GLIPR1L2: variants seen among roughly 807,000 people sequenced by gnomAD.
GLIPR1L2 encodes GLIPR1-like protein 2.
GLIPR1L2 carries 21 observed loss-of-function variants against 28.4 expected under a neutral mutation model. The observed-to-expected ratio is 0.74, with a 90% CI of 0.52 to 1.06. GLIPR1L2 has a LOEUF of 1.06. GLIPR1L2 is among the 50% of genes least tolerant of loss of function. The probability of loss-of-function intolerance (pLI) is 0.00; values close to 1 mark genes in which losing one functional copy is unlikely to be tolerated. For missense variants in GLIPR1L2, 476 were observed against 416.9 expected (o/e 1.14, Z -1.23); for synonymous variants, 145 against 139.3 (o/e 1.04, Z -0.29).
intron 4 of GLIPR1L2, chr12:75,423,868 T>C (rs1264068751): frequency 6.6e-6 from 1 of 152,242 alleles, no homozygotes; most frequent in East Asian, 1.9e-4. Flanking sequence ...GTTTGCAGCT[T>C]CATCCATGTC....
intron 1 of GLIPR1L2, among the ~76,000 whole-genome samples, chr12:75,398,328 C>CAAAAAAAAAAAAAAA (rs71078729): frequency 2.3e-5 from 2 of 87,934 alleles, no homozygotes; most frequent in African/African-American, 4.8e-5. Flanking sequence ...GACTCCATCT[C>CAAAAAAAAAAAAAAA]AAAAAAAAAA....
intron 1 of GLIPR1L2, chr12:75,402,872 A>T (rs377553410): frequency 2.4e-6 from 1 of 409,480 alleles, no homozygotes; most frequent in Non-Finnish European, 4.9e-6. Context: ...TTCCATGGGT[A>T]TAAATCCCCA....
rs1364415474 is a variant in GLIPR1L2 at position 75,432,253 on chromosome 12, A to T, written c.*1092A>T. ...ATAATATTTTTCCAATTGCCATTCC[A>T]TACTCAGCTGTCTTATTGTTGCACA... On this transcript the variant is annotated 3_prime_UTR_variant, in exon 6 of 6. Transcript: ENST00000550916. 1.3e-5 allele frequency: 2 copies of T among 152,180 alleles called. 1 individual carries two copies. Among genetic ancestry groups the T allele is most frequent in the Middle Eastern group, 6.3e-3 (2 of 316 alleles). 9.4% of individuals were successfully genotyped at this position (152,180 alleles called of 1,614,324 possible). A position where few individuals can be genotyped will look rare whatever the true frequency, so the allele number is the denominator to read the frequency against.
At chr12:75,398,146 A>T (rs1404931180) in intron 1 of GLIPR1L2, among the ~76,000 whole-genome samples, 2 of 152,036 alleles carry the variant, frequency 1.3e-5, no homozygotes, top group East Asian at 3.9e-4. Flanking sequence ...CCTGGCCAAC[A>T]TGGTGAAACC....
chr12:75,418,592 T>G (rs546296816), intron 3 of GLIPR1L2, among the ~76,000 whole-genome samples: 1 of 152,292 alleles, frequency 6.6e-6, no homozygotes, highest in East Asian at 1.9e-4. Context: ...ATTGTAGTAA[T>G]AGTTTGAAGT....
At chr12:75,424,798 C>T (rs2046016832) in intron 4 of GLIPR1L2, among the ~76,000 whole-genome samples, 2 of 152,082 alleles carry the variant, frequency 1.3e-5, no homozygotes, top group Admixed American at 6.5e-5. Context: ...GATGAATCCA[C>T]CCTAACATTT....
In GLIPR1L2 at chr12:75,431,227, A is replaced by AT; in HGVS notation, c.*66_*67insT. The AT allele has an allele frequency of 1.8e-6, 1 of 545,398 alleles. No individual in the cohort carries two copies. Among genetic ancestry groups the AT allele is most frequent in the Non-Finnish European group, 3.2e-6 (1 of 311,092 alleles). 33.8% of individuals were successfully genotyped at this position (545,398 alleles called of 1,614,324 possible). A position where few individuals can be genotyped will look rare whatever the true frequency, so the allele number is the denominator to read the frequency against. ...CCAAAAGTGTAATACAAAAAAAGACAGAAAAAAAAAAAAAGTAAAACACTG... is the reference window on the plus strand; with the variant it reads ...CCAAAAGTGTAATACAAAAAAAGACATGAAAAAAAAAAAAAGTAAAACACTG... On this transcript the variant is annotated 3_prime_UTR_variant, in exon 6 of 6. Coordinates refer to ENST00000550916, the MANE Select transcript of GLIPR1L2 (RefSeq NM_001270396.2).
intron 1 of GLIPR1L2, among the ~76,000 whole-genome samples, chr12:75,392,998 T>C (rs934795588): frequency 4.6e-5 from 7 of 152,108 alleles, no homozygotes; most frequent in Admixed American, 2.6e-4. Context: ...TTAGCAGATT[T>C]GGACATCACT....
At chr12:75,400,462 T>C (rs12424779) in intron 1 of GLIPR1L2, among the ~76,000 whole-genome samples, 1 of 152,026 alleles carries the variant, frequency 6.6e-6, no homozygotes, top group East Asian at 1.9e-4. Context: ...CTCATGGATC[T>C]TGGAAAAGCA....
chr12:75,399,711 A>G (rs1344304712), intron 1 of GLIPR1L2, among the ~76,000 whole-genome samples: 1 of 152,208 alleles, frequency 6.6e-6, no homozygotes, highest in African/African-American at 2.4e-5. Context: ...ATTTTTTGCT[A>G]TTCAGACTTT....
At chr12:75,424,135 A>G (rs1041819224) in intron 4 of GLIPR1L2, 2 of 152,192 alleles carry the variant, frequency 1.3e-5, no homozygotes, top group African/African-American at 2.4e-5. Context: ...TCCTTGAGGA[A>G]TCCCCACACT....
At chr12:75,409,125 T>C (rs1329212832) in intron 1 of GLIPR1L2, among the ~76,000 whole-genome samples, 2 of 151,986 alleles carry the variant, frequency 1.3e-5, no homozygotes, top group Non-Finnish European at 2.9e-5. Context: ...TGAATTCTTC[T>C]GCGATTTTTT....
At chr12:75,407,027 C>G (rs2045810096) in intron 1 of GLIPR1L2, among the ~76,000 whole-genome samples, 1 of 152,046 alleles carries the variant, frequency 6.6e-6, no homozygotes, top group African/African-American at 2.4e-5. Flanking sequence ...CATCCCCTCC[C>G]CTTGAGCTCT....
intron 4 of GLIPR1L2, among the ~76,000 whole-genome samples, chr12:75,429,029 T>C (rs1020747690): frequency 6.6e-6 from 1 of 152,088 alleles, no homozygotes; most frequent in Non-Finnish European, 1.5e-5. Flanking sequence ...AGAGGGGAAA[T>C]GTGGAGTGGG....
At chr12:75,416,395 G>A (rs61535859) in intron 3 of GLIPR1L2, among the ~76,000 whole-genome samples, 52,650 of 151,596 alleles carry the variant, frequency 0.35, 9,447 homozygotes, top group East Asian at 0.46. Context: ...AGATCAGCAT[G>A]TGGGAGAGTG....
chr12:75,418,269 G>A lies in GLIPR1L2; in HGVS notation c.584+4568G>A, dbSNP rs879891858. Among the ~76,000 whole-genome samples the A allele has an allele frequency of 3.3e-5, 5 of 152,098 alleles. No homozygotes were observed. In the East Asian group the frequency reaches 9.6e-4, roughly 29 times the overall value. On this transcript the variant is annotated intron_variant, in intron 3 of 5. Coordinates refer to ENST00000550916, the MANE Select transcript of GLIPR1L2 (RefSeq NM_001270396.2). ...TGGAATTAGGAGAGCCTACTGGCTG[G>A]ATAAAAGTAAAACTGAGTTTTTCAC...
intron 1 of GLIPR1L2, among the ~76,000 whole-genome samples, chr12:75,406,618 T>C (rs2045803018): frequency 6.6e-6 from 1 of 151,414 alleles, no homozygotes; most frequent in Non-Finnish European, 1.5e-5. Flanking sequence ...ATTAGCTGGG[T>C]GCGGTGGTGC....
chr12:75,413,510 C>G (rs900040252), intron 2 of GLIPR1L2, 88 bp from the exon 3 acceptor site: 2 of 730,162 alleles, frequency 2.7e-6, no homozygotes, highest in South Asian at 1.9e-5. Context: ...GTGAAAAGTT[C>G]TATGTGAATG....
At chr12:75,406,897 T>A (rs2045807973) in intron 1 of GLIPR1L2, among the ~76,000 whole-genome samples, 1 of 152,110 alleles carries the variant, frequency 6.6e-6, no homozygotes, top group Admixed American at 6.6e-5. Context: ...GCCTGGGATT[T>A]AGGCCCTGTC....
Sources: allele counts gnomAD v4.1 joint callset (sites outside exome capture counted in the v4.1 genomes callset), GRCh38; gene constraint gnomAD v4.1.1; transcripts MANE v1.5; gene names NCBI Gene and HGNC (gene_info 2026-07-23, HGNC 2026-07-21).